FBXO8: variants seen among roughly 807,000 people sequenced by gnomAD.
The protein encoded by FBXO8 is F-box only protein 8.
A neutral mutation model predicts 33.4 loss-of-function variants in FBXO8; 15 were observed. The ratio of observed to expected loss-of-function variants is 0.45; its 90% CI spans 0.30 to 0.69. FBXO8 has a LOEUF of 0.69. Ranked by LOEUF, FBXO8 falls within the 30% of genes least tolerant of loss-of-function variation. FBXO8 has a pLI of 0.08. For synonymous variants in FBXO8, 132 were observed against 131.5 expected (o/e 1.00, Z -0.02); for missense variants, 274 against 380.3 (o/e 0.72, Z 2.32).
In FBXO8 at chr4:174,259,397, AT is replaced by A. The variant is rs1357171222; in HGVS notation, c.456+301del. 6.6e-6 allele frequency among the ~76,000 whole-genome samples: 1 copy of A among 152,126 alleles called. No homozygotes were observed. The highest frequency in any genetic ancestry group is 2.4e-5 in the African/African-American group (1 of 41,462). ...GATGAACACACTCTGTGTTCTTATT[AT>A]CAAATTTTTGTGCTCTCTACTTATA... On this transcript the variant is annotated intron_variant, in intron 3 of 5. Transcript: ENST00000393674. This position sits in a 1 kb window ranked among gnomAD's most constrained non-coding sequence, Gnocchi z 4.3.
At chr4:174,273,324 A>T (rs1404681309) in intron 1 of FBXO8, among the ~76,000 whole-genome samples, 2 of 113,724 alleles carry the variant, frequency 1.8e-5, no homozygotes, top group Admixed American at 1.7e-4. Context: ...CATAAAAGTT[A>T]AAAAAAAAAA....
rs116752270 is a variant in FBXO8 at position 174,245,453 on chromosome 4, C to A, written c.457-4235G>T. On this transcript the variant is annotated intron_variant, in intron 3 of 5. Coordinates refer to ENST00000393674, the MANE Select transcript of FBXO8 (RefSeq NM_012180.3). This position sits in a 1 kb window ranked among gnomAD's most constrained non-coding sequence, Gnocchi z 4.6. ...TCCAGTTAATACTGTATTATATGAG[C>A]AAAAGTAATATATAATTTTTAAAGA... Among the ~76,000 whole-genome samples the A allele has an allele frequency of 0.013, 2,032 of 151,790 alleles. 19 individuals are homozygous for A. Among genetic ancestry groups the A allele is most frequent in the African/African-American group, 0.02 (836 of 41,458 alleles).
chr4:174,265,624 A>G lies in FBXO8; in HGVS notation c.-8-2524T>C, dbSNP rs183915519. On this transcript the variant is annotated intron_variant, in intron 1 of 5. Coordinates refer to ENST00000393674, the MANE Select transcript of FBXO8 (RefSeq NM_012180.3). The surrounding 1 kb of genome is among the most constrained non-coding windows in gnomAD (Gnocchi z 4.7). ...CAAATCTAAAAAAGTTCTTTACTGT[A>G]TGATTCTAATTATAAGACATTCTGG... 3.1e-4 allele frequency among the ~76,000 whole-genome samples: 47 copies of G among 152,312 alleles called. No homozygotes were observed. The highest frequency in any genetic ancestry group is 2.7e-3 in the Admixed American group (42 of 15,304).
In FBXO8 at chr4:174,256,795, C is replaced by T. The variant is rs938898930; in HGVS notation, c.456+2904G>A. On this transcript the variant is annotated intron_variant, in intron 3 of 5. Transcript: ENST00000393674. The surrounding 1 kb of genome is among the most constrained non-coding windows in gnomAD (Gnocchi z 4.6). ...AAAGCATAGAATCAGAATTTTGGAACCTCAAGACACATTGAGTGGCTCAGC... is the reference window on the plus strand; with the variant it reads ...AAAGCATAGAATCAGAATTTTGGAATCTCAAGACACATTGAGTGGCTCAGC... Among the ~76,000 whole-genome samples, 1 of 152,002 alleles carries T rather than the reference C, an allele frequency of 6.6e-6. No individual in the cohort carries two copies. The highest frequency in any genetic ancestry group is 2.4e-5 in the African/African-American group (1 of 41,390).
chr4:174,262,792 G>C lies in FBXO8; in HGVS notation c.301C>G (p.Leu101Val). The C allele has an allele frequency of 1.2e-6, 2 of 1,613,650 alleles. No individual in the cohort carries two copies. The highest frequency in any genetic ancestry group is 1.1e-5 in the South Asian group (1 of 91,064). Residue 101 changes from leucine to valine, a missense_variant, in exon 2 of 6, where the codon CTT (leucine) becomes GTT (valine). Leu to Val is a conservative substitution (Grantham distance 32). This residue lies in a region of FBXO8 where 186 missense variants were observed against 293.4 expected (regional missense o/e 0.63). Transcript: ENST00000393674. This position sits in a 1 kb window ranked among gnomAD's most constrained non-coding sequence, Gnocchi z 4.6. ...LCLASCVWQDLANDELLWQGL... is the reference protein window; with the variant it reads ...LCLASCVWQDVANDELLWQGL... Reference sequence around the variant, plus strand: ...TGCCAGAGAAGTTCATCATTCGCAAGGTCCTGCCAAACACATGAAGCCAAG... The same window carrying C: ...TGCCAGAGAAGTTCATCATTCGCAACGTCCTGCCAAACACATGAAGCCAAG...
intron 1 of FBXO8, among the ~76,000 whole-genome samples, chr4:174,269,754 T>C (rs1736794679): frequency 6.6e-6 from 1 of 151,358 alleles, no homozygotes; most frequent in African/African-American, 2.4e-5. Flanking sequence ...TAAACTTAAA[T>C]TGATAATTTC....
At chr4:174,260,311 G>C (rs141855199) in intron 2 of FBXO8, among the ~76,000 whole-genome samples, 256 of 152,124 alleles carry the variant, frequency 1.7e-3, no homozygotes, top group Middle Eastern at 0.01. Context: ...TCCACAGCTT[G>C]CAATTATTAA....
chr4:174,264,088 G>C (rs978764614), intron 1 of FBXO8, among the ~76,000 whole-genome samples: 4 of 152,078 alleles, frequency 2.6e-5, no homozygotes, highest in Non-Finnish European at 5.9e-5. Flanking sequence ...AACTCGAGTT[G>C]ACTACTAATA....
intron 3 of FBXO8, among the ~76,000 whole-genome samples, chr4:174,243,817 T>C (rs1736100282): frequency 2.0e-5 from 3 of 150,934 alleles, no homozygotes; most frequent in African/African-American, 2.4e-5. Context: ...TAGATATATA[T>C]ATATATAGTA....
Position 174,273,397 on chromosome 4 carries a change from C to G in FBXO8, c.-9+10013G>C, listed in dbSNP as rs144761502. On this transcript the variant is annotated intron_variant, in intron 1 of 5. Transcript: ENST00000393674. ...GGATTAAAAGAGGCTAAAAACAATA[C>G]CACCGAAATGCAGTATGTCAACAGG... Among the ~76,000 whole-genome samples the G allele has an allele frequency of 4.4e-3, 649 of 147,684 alleles. 5 individuals carry two copies. Among genetic ancestry groups the G allele is most frequent in the African/African-American group, 0.015 (594 of 40,332 alleles).
Position 174,236,820 on chromosome 4 carries a change from G to A in FBXO8, c.*592C>T, listed in dbSNP as rs1446192955. On this transcript the variant is annotated 3_prime_UTR_variant, in exon 6 of 6. Coordinates refer to ENST00000393674, the MANE Select transcript of FBXO8 (RefSeq NM_012180.3). ...ATAAATTTATATTATAAAAATAACT[G>A]CCAGTTTTGCATAGTAATATAGTAA... 6.6e-6 allele frequency: 1 copy of A among 151,656 alleles called. No individual in the cohort carries two copies. Among genetic ancestry groups the A allele is most frequent in the Non-Finnish European group, 1.5e-5 (1 of 67,860 alleles). The allele number at this position is 151,656 out of a possible 1,614,324, so 9.4% of individuals were successfully genotyped here.
rs1736855437 is a variant in FBXO8 at position 174,272,302 on chromosome 4, A to G, written c.-8-9202T>C. ...GCTCAAGTCCCTTGTATAAAATGGC[A>G]TAGTATACATCCTCCTGTATACTTT... On this transcript the variant is annotated intron_variant, in intron 1 of 5. Transcript: ENST00000393674. This position sits in a 1 kb window ranked among gnomAD's most constrained non-coding sequence, Gnocchi z 4.7. Among the ~76,000 whole-genome samples, 2 of 152,230 alleles carry G rather than the reference A, an allele frequency of 1.3e-5. No homozygotes were observed. The highest frequency in any genetic ancestry group is 1.3e-4 in the Admixed American group (2 of 15,286).
At position 174,247,956 on chromosome 4, in the gene FBXO8, A is replaced by G. The variant is rs1359212012; in HGVS notation, c.457-6738T>C. 1.3e-5 allele frequency among the ~76,000 whole-genome samples: 2 copies of G among 152,036 alleles called. No homozygotes were observed. The highest frequency in any genetic ancestry group is 4.8e-5 in the African/African-American group (2 of 41,432). On this transcript the variant is annotated intron_variant, in intron 3 of 5. Coordinates refer to ENST00000393674, the MANE Select transcript of FBXO8 (RefSeq NM_012180.3). The surrounding 1 kb of genome is among the most constrained non-coding windows in gnomAD (Gnocchi z 4.6). Reference sequence around the variant, plus strand: ...TATTTAAGCAGAGAACATGTGCTCTATAGTTAAGGGAGGGTGGGCCTCACA... The same window carrying G: ...TATTTAAGCAGAGAACATGTGCTCTGTAGTTAAGGGAGGGTGGGCCTCACA...
rs1205225344 is a variant in FBXO8, at chr4:174,251,416, T to C, written c.456+8283A>G. On this transcript the variant is annotated intron_variant, in intron 3 of 5. Transcript: ENST00000393674. This position sits in a 1 kb window ranked among gnomAD's most constrained non-coding sequence, Gnocchi z 4.2. ...GTTTATTCCGAGTCCACAAACCTCC[T>C]CTGGGAACTGATTCTACACCACATG... Among the ~76,000 whole-genome samples, 3 of 152,088 alleles carry C rather than the reference T, an allele frequency of 2.0e-5. No individual in the cohort carries two copies. The highest frequency in any genetic ancestry group is 7.2e-5 in the African/African-American group (3 of 41,420).
intron 3 of FBXO8, among the ~76,000 whole-genome samples, chr4:174,243,592 A>G: frequency 6.6e-6 from 1 of 150,672 alleles, no homozygotes; most frequent in Non-Finnish European, 1.5e-5. Flanking sequence ...ACAATTAAAT[A>G]CAAAAAAATA....
chr4:174,258,340 C>T (rs1475827882), intron 3 of FBXO8, among the ~76,000 whole-genome samples: 1 of 152,096 alleles, frequency 6.6e-6, no homozygotes, highest in African/African-American at 2.4e-5. Context: ...ACAATAACAA[C>T]ATTTAAATTT....
At position 174,252,943 on chromosome 4, in the gene FBXO8, C is replaced by G. The variant is rs1026783757; in HGVS notation, c.456+6756G>C. Among the ~76,000 whole-genome samples, 2 of 152,074 alleles carry G rather than the reference C, an allele frequency of 1.3e-5. No homozygotes were observed. The highest frequency in any genetic ancestry group is 2.9e-5 in the Non-Finnish European group (2 of 68,010). ...CCAAGACTGCACCACTGCACTCCAG[C>G]CTGGGCAACAGAGTGAGCCTCTGTC... On this transcript the variant is annotated intron_variant, in intron 3 of 5. Coordinates refer to ENST00000393674, the MANE Select transcript of FBXO8 (RefSeq NM_012180.3). The surrounding 1 kb of genome is among the most constrained non-coding windows in gnomAD (Gnocchi z 5.1).
chr4:174,283,631 A>T lies in FBXO8; in HGVS notation c.-230T>A, dbSNP rs1737205798. 2.8e-6 allele frequency: 1 copy of T among 359,204 alleles called. No individual in the cohort carries two copies. The highest frequency in any genetic ancestry group is 2.1e-5 in the African/African-American group (1 of 47,890). 22.3% of individuals were successfully genotyped at this position (359,204 alleles called of 1,614,324 possible). ...GGTACCTCCAGCTGCAGGGGCCAGA[A>T]CTGCCGACTATCCCAATTTTGACGT... is the stretch of plus-strand genomic sequence containing the variant. On this transcript the variant is annotated 5_prime_UTR_variant, in exon 1 of 6. Transcript: ENST00000393674. This position sits in a 1 kb window ranked among gnomAD's most constrained non-coding sequence, Gnocchi z 6.7.
Position 174,237,413 on chromosome 4 carries a change from T to TA in FBXO8, c.958dup (p.Ter320LeufsTer15). On this transcript the variant is annotated frameshift_variant and stop_lost, in exon 6 of 6. Transcript: ENST00000393674. LOFTEE classifies it high-confidence loss of function. This position sits in a 1 kb window ranked among gnomAD's most constrained non-coding sequence, Gnocchi z 4.4. ...CTGAAGTCCTAGCAATTGTGCTTTT[T>TA]ATGCAGCCACATGGCCAATAAGGTA... 3.1e-6 allele frequency: 5 copies of TA among 1,610,112 alleles called. No homozygotes were observed. Among genetic ancestry groups the TA allele is most frequent in the Non-Finnish European group, 4.2e-6 (5 of 1,177,230 alleles).
Sources: gnomAD v4.1 joint callset for allele counts (sites outside exome capture counted in the v4.1 genomes callset) on GRCh38, gnomAD v4.1.1 for gene constraint, gnomAD v4.1.1 regional missense constraint, Gnocchi (gnomAD v3.1) non-coding constraint, MANE v1.5 for transcripts, NCBI Gene and HGNC (gene_info 2026-07-23, HGNC 2026-07-21) for gene names.